GLRA2: variants seen among roughly 807,000 people sequenced by gnomAD.
GLRA2 encodes the protein glycine receptor alpha 2, also known as glycine receptor subunit alpha-2.
A neutral mutation model predicts 31.6 loss-of-function variants in GLRA2; 11 were observed. The ratio of observed to expected loss-of-function variants is 0.35; its 90% CI spans 0.22 to 0.58. The LOEUF (loss-of-function observed/expected upper bound fraction) is 0.58. GLRA2 is among the 20% of genes least tolerant of loss of function. The pLI is 0.84. For missense variants in GLRA2, 212 were observed against 351.8 expected (o/e 0.60, Z 3.18); for synonymous variants, 132 against 134.0 (o/e 0.99, Z 0.10).
At chrX:14,709,575 G>A (rs1333525265) in intron 8 of GLRA2, among the ~76,000 whole-genome samples, 4 of 111,816 alleles carry the variant, frequency 3.6e-5, no homozygotes, top group East Asian at 2.9e-4. Context: ...CAAGAGTTGC[G>A]TATAAGAAGC....
At position 14,730,889 on chromosome X, in the gene GLRA2, TATACACACACAC is replaced by T. The variant is rs1185205016; in HGVS notation, c.*406_*417del. 33 of 129,260 alleles carry T rather than the reference TATACACACACAC, an allele frequency of 2.6e-4. No homozygotes were observed. Among genetic ancestry groups the T allele is most frequent in the African/African-American group, 1.3e-3 (27 of 21,490 alleles). The allele number at this position is 129,260 out of a possible 1,213,427, so 10.7% of individuals were successfully genotyped here. A position where few individuals can be genotyped will look rare whatever the true frequency, so the allele number is the denominator to read the frequency against. On this transcript the variant is annotated 3_prime_UTR_variant, in exon 9 of 9. Transcript: ENST00000218075. ...CTAATTCTGGTACTGAAAAGTTAGC[TATACACACACAC>T]ACACACACACACACACACACACACA...
At chrX:14,563,057 T>C (rs2089754740) in intron 2 of GLRA2, among the ~76,000 whole-genome samples, 1 of 112,567 alleles carries the variant, frequency 8.9e-6, no homozygotes, top group African/African-American at 3.2e-5. Flanking sequence ...TAGAGTTTCT[T>C]AGGGAAATTA....
chrX:14,529,130 G>C (rs1321773506), upstream of GLRA2, among the ~76,000 whole-genome samples: 1 of 111,071 alleles, frequency 9.0e-6, no homozygotes, highest in Non-Finnish European at 1.9e-5. Context: ...CACTGACAAA[G>C]AGTGAACTGT....
chrX:14,528,043 A>G (rs1172343580), upstream of GLRA2, among the ~76,000 whole-genome samples: 2 of 112,497 alleles, frequency 1.8e-5, no homozygotes. Flanking sequence ...ATTTCATCTA[A>G]AAAGAGATTC....
chrX:14,651,246 T>A (rs1039655993), intron 7 of GLRA2, among the ~76,000 whole-genome samples: 9 of 112,098 alleles, frequency 8.0e-5, no homozygotes, highest in African/African-American at 2.9e-4. Flanking sequence ...TACATAAAAT[T>A]CAAGCAGGAG....
At chrX:14,690,436 A>G (rs1340935865) in intron 7 of GLRA2, among the ~76,000 whole-genome samples, 1 of 111,847 alleles carries the variant, frequency 8.9e-6, no homozygotes, top group Non-Finnish European at 1.9e-5. Flanking sequence ...AAAATCTGTC[A>G]TTAAGGAAAT....
At chrX:14,589,014 A>G (rs1181551040) in intron 4 of GLRA2, among the ~76,000 whole-genome samples, 2 of 111,734 alleles carry the variant, frequency 1.8e-5, no homozygotes, top group Non-Finnish European at 3.8e-5. Flanking sequence ...GAATCATATC[A>G]TTAGCTAAGA....
chrX:14,655,800 T>C (rs2090934229), intron 7 of GLRA2, among the ~76,000 whole-genome samples: 1 of 112,339 alleles, frequency 8.9e-6, no homozygotes, highest in African/African-American at 3.2e-5. Flanking sequence ...TTGTACATTG[T>C]TGGTTTCCCA....
At chrX:14,553,134 G>A (rs1007639330) in intron 2 of GLRA2, among the ~76,000 whole-genome samples, 1 of 111,744 alleles carries the variant, frequency 8.9e-6, no homozygotes. Flanking sequence ...TTGAGATGGA[G>A]GTAGAAATAT....
At chrX:14,543,980 A>G (rs1275100601) in intron 2 of GLRA2, among the ~76,000 whole-genome samples, 1 of 111,438 alleles carries the variant, frequency 9.0e-6, no homozygotes, top group Non-Finnish European at 1.9e-5. Flanking sequence ...TTGCCATGAA[A>G]ATAGATGATG....
intron 7 of GLRA2, among the ~76,000 whole-genome samples, chrX:14,652,214 C>T (rs1430002231): frequency 1.8e-5 from 2 of 111,926 alleles, no homozygotes; most frequent in Non-Finnish European, 3.8e-5. Context: ...ACATATTCAA[C>T]TAACTTTGCT....
the GLRA2 span, among the ~76,000 whole-genome samples, chrX:14,513,928 G>A: frequency 1.8e-5 from 2 of 111,458 alleles, no homozygotes; most frequent in African/African-American, 6.5e-5. Context: ...TCTACCCAGA[G>A]GAAAAAAAAG....
chrX:14,727,091 T>C (rs1706035022), intron 8 of GLRA2, among the ~76,000 whole-genome samples: 1 of 111,946 alleles, frequency 8.9e-6, no homozygotes, highest in Admixed American at 9.5e-5. Flanking sequence ...AGGTTGTACA[T>C]TTTAGAGATG....
intron 3 of GLRA2, among the ~76,000 whole-genome samples, chrX:14,579,961 A>C (rs760610144): frequency 2.7e-5 from 3 of 112,416 alleles, no homozygotes; most frequent in African/African-American, 9.7e-5. Context: ...CATACACCCT[A>C]ATCTTTACAA....
At chrX:14,699,559 T>C (rs2091507004) in intron 8 of GLRA2, among the ~76,000 whole-genome samples, 1 of 112,676 alleles carries the variant, frequency 8.9e-6, no homozygotes, top group African/African-American at 3.2e-5. Flanking sequence ...ATCAATCATA[T>C]GAAACACTTA....
chrX:14,571,083 TAGG>T (rs968284559), intron 2 of GLRA2, among the ~76,000 whole-genome samples: 1 of 110,327 alleles, frequency 9.1e-6, no homozygotes, highest in African/African-American at 3.3e-5. Flanking sequence ...AGAAGGGAAA[TAGG>T]AGACAAGGAA....
the GLRA2 span, among the ~76,000 whole-genome samples, chrX:14,509,132 C>T: frequency 1.8e-5 from 2 of 112,241 alleles, no homozygotes; most frequent in Non-Finnish European, 3.8e-5. Flanking sequence ...ATTTCTCTGT[C>T]TTCATCTATG....
chrX:14,643,319 T>C (rs2147130576), intron 7 of GLRA2, among the ~76,000 whole-genome samples: 1 of 111,560 alleles, frequency 9.0e-6, no homozygotes, highest in Admixed American at 9.5e-5. Flanking sequence ...GATACATGGG[T>C]GTTGCTTTAC....
rs183908311 is a variant in GLRA2 at position 14,600,727 on chromosome X, C to T, written c.495-3588C>T. On this transcript the variant is annotated intron_variant, in intron 4 of 8. Transcript: ENST00000218075. ...ACTCTCTTAGCAATTCTGAAATATACAATGCATTATTATTTACTATTTTCA... is the reference window on the plus strand; with the variant it reads ...ACTCTCTTAGCAATTCTGAAATATATAATGCATTATTATTTACTATTTTCA... Among the ~76,000 whole-genome samples the T allele has an allele frequency of 2.7e-5, 3 of 110,569 alleles. No individual in the cohort carries two copies. The East Asian group carries it at 8.5e-4, about 31-fold the overall frequency.
Sources: allele counts gnomAD v4.1 joint callset (sites outside exome capture counted in the v4.1 genomes callset), GRCh38; gene constraint gnomAD v4.1.1; transcripts MANE v1.5; gene names NCBI Gene and HGNC (gene_info 2026-07-23, HGNC 2026-07-21).